ALX1: variants seen among roughly 807,000 people sequenced by gnomAD.
The protein encoded by ALX1 is ALX homeobox 1.
In ALX1, 19 loss-of-function variants were observed where a neutral mutation model predicts 31.7. The ratio of observed to expected loss-of-function variants is 0.60; its 90% CI spans 0.42 to 0.88. The LOEUF (loss-of-function observed/expected upper bound fraction) is 0.88, where lower values mean the gene tolerates loss of function less well. ALX1 is among the 40% of genes least tolerant of loss of function. The pLI is 0.00. For missense variants in ALX1, 415 were observed against 407.8 expected (o/e 1.02, Z -0.15); for synonymous variants, 153 against 148.8 (o/e 1.03, Z -0.20).
chr12:85,280,463 A>T lies in ALX1; in HGVS notation c.202A>T (p.Thr68Ser). Residue 68 changes from threonine to serine, a missense_variant, in exon 1 of 4, where the codon ACC becomes TCC. Transcript: ENST00000316824. ...CGAGCATCACGTGCGCTTGGAGAGG[A>T]CCTCGCCCTGTCAGGACAGCAGCGG... ...RAEHHVRLER[T>S]SPCQDSSVNY... 6.2e-7 allele frequency: 1 copy of T among 1,610,824 alleles called. No homozygotes were observed. The highest frequency in any genetic ancestry group is 8.5e-7 in the Non-Finnish European group (1 of 1,179,878).
At chr12:85,282,897 T>TAAAA (rs112890587) in intron 1 of ALX1, among the ~76,000 whole-genome samples, 1 of 146,194 alleles carries the variant, frequency 6.8e-6, no homozygotes, top group Non-Finnish European at 1.5e-5. Flanking sequence ...AGTTTTTAGG[T>TAAAA]AAAAAAAAAA....
intron 2 of ALX1, among the ~76,000 whole-genome samples, chr12:85,284,801 G>A (rs1896727299): frequency 6.6e-6 from 1 of 152,006 alleles, no homozygotes; most frequent in African/African-American, 2.4e-5. Flanking sequence ...TGTGTGTTCT[G>A]ACTCCTCTAC....
At chr12:85,297,141 A>G (rs1265537975) in intron 3 of ALX1, among the ~76,000 whole-genome samples, 5 of 151,742 alleles carry the variant, frequency 3.3e-5, no homozygotes, top group Non-Finnish European at 7.4e-5. Context: ...TGATAGCACT[A>G]TAGTCAACCC....
chr12:85,283,518 T>C (rs1896707128), intron 1 of ALX1, 54 bp from the exon 2 acceptor site: 2 of 1,571,436 alleles, frequency 1.3e-6, no homozygotes, highest in Non-Finnish European at 1.8e-6. Context: ...ATTGATTTAA[T>C]TGAGATGAGT....
chr12:85,280,352 G>C lies in ALX1; in HGVS notation c.91G>C (p.Val31Leu), dbSNP rs748403633. The C allele has an allele frequency of 1.1e-5, 18 of 1,613,936 alleles. No individual in the cohort carries two copies. The highest frequency in any genetic ancestry group is 1.5e-5 in the Non-Finnish European group (18 of 1,180,034). ...GGGCGCAGGAGGTCCTCTGGAGCAC[G>C]TTATGGAGACGCTGGACAATGAGTC... Reference protein sequence around the residue: ...YMGAGGPLEHVMETLDNESFY... With the variant: ...YMGAGGPLEHLMETLDNESFY... The change falls in exon 1 of 4, where the codon GTT (valine) becomes CTT (leucine). Residue 31 changes from valine to leucine, a missense_variant. Around this residue, in one of 3 missense-constraint regions of ALX1, gnomAD observed 235 missense variants for 208.9 expected, o/e 1.13. Transcript: ENST00000316824.
At position 85,280,337 on chromosome 12, in the gene ALX1, G is replaced by A; in HGVS notation, c.76G>A (p.Gly26Ser). The A allele has an allele frequency of 6.2e-7, 1 of 1,613,934 alleles. No individual in the cohort carries two copies. The highest frequency in any genetic ancestry group is 8.5e-7 in the Non-Finnish European group (1 of 1,180,030). The change falls in exon 1 of 4, where the codon GGT becomes AGT. Residue 26 changes from glycine to serine, a missense_variant. Around this residue, in one of 3 missense-constraint regions of ALX1, gnomAD observed 235 missense variants for 208.9 expected, o/e 1.13. Coordinates refer to ENST00000316824, the MANE Select transcript of ALX1 (RefSeq NM_006982.3). Reference protein sequence around the residue: ...KNSDFYMGAGGPLEHVMETLD... With the variant: ...KNSDFYMGAGSPLEHVMETLD... ...CAGTGACTTTTACATGGGCGCAGGA[G>A]GTCCTCTGGAGCACGTTATGGAGAC...
chr12:85,299,466 AT>A (rs1334501144), intron 3 of ALX1, among the ~76,000 whole-genome samples: 1 of 151,428 alleles, frequency 6.6e-6, no homozygotes, highest in African/African-American at 2.4e-5. Context: ...TATATATAAA[AT>A]ATATATGTTT....
Position 85,280,303 on chromosome 12 carries a change from G to A in ALX1, c.42G>A (p.Pro14=). The A allele has an allele frequency of 6.2e-7, 1 of 1,613,554 alleles. No homozygotes were observed. The highest frequency in any genetic ancestry group is 2.2e-5 in the East Asian group (1 of 44,844). ...LSEKFALKSP[P]SKNSDFYMGA... ...AGAAGTTTGCCCTCAAGAGCCCTCC[G>A]AGTAAAAACAGTGACTTTTACATGG... Residue 14 remains proline (P), a synonymous_variant, in exon 1 of 4, where the codon CCG becomes CCA. Transcript: ENST00000316824.
intron 2 of ALX1, 134 bp downstream of exon 2, chr12:85,284,010 G>T: frequency 1.0e-6 from 1 of 967,860 alleles, no homozygotes; most frequent in Non-Finnish European, 1.5e-6. Flanking sequence ...TAATATATAT[G>T]AATATATGTC....
rs755752951 is a variant in ALX1, at chr12:85,301,134, T to C, written c.661-21T>C. The C allele has an allele frequency of 2.5e-6, 4 of 1,612,454 alleles. No individual in the cohort carries two copies. In the South Asian group the frequency reaches 4.4e-5, roughly 18 times the overall value. On this transcript the variant is annotated intron_variant, in intron 3 of 3. Transcript: ENST00000316824. ...AAGTGAGAACATGTAAATGTAATAT[T>C]TGTTGTTTTATATATTCCAGATTCA...
chr12:85,285,230 T>C (rs1485164689), intron 2 of ALX1, among the ~76,000 whole-genome samples: 1 of 152,010 alleles, frequency 6.6e-6, no homozygotes, highest in Non-Finnish European at 1.5e-5. Context: ...CTTGATTAAT[T>C]TTTGTCTGAG....
rs1161371325 is a variant in ALX1, at chr12:85,294,213, A to T, written c.661-6942A>T. Among the ~76,000 whole-genome samples the T allele has an allele frequency of 4.6e-5, 7 of 151,288 alleles. No individual in the cohort carries two copies. The East Asian group carries it at 1.4e-3, about 29-fold the overall frequency. ...GCATAAAAGCTTAATTTACAAGCTT[A>T]CATTTTTATCTTTATTTCTTATATT... is the stretch of plus-strand genomic sequence containing the variant. On this transcript the variant is annotated intron_variant, in intron 3 of 3. Transcript: ENST00000316824.
intron 3 of ALX1, among the ~76,000 whole-genome samples, chr12:85,298,321 A>G (rs1284093028): frequency 6.6e-6 from 1 of 151,730 alleles, no homozygotes; most frequent in Non-Finnish European, 1.5e-5. Flanking sequence ...GAAACAATTA[A>G]AAGTGTTCAT....
chr12:85,282,388 A>G lies in ALX1; in HGVS notation c.227-1184A>G, dbSNP rs149025659. On this transcript the variant is annotated intron_variant, in intron 1 of 3. Coordinates refer to ENST00000316824, the MANE Select transcript of ALX1 (RefSeq NM_006982.3). ...ATTTGACATTTTTTATTATGAGAAC[A>G]TTTTTGAGAGTTACTCCGTTAGTGA... Among the ~76,000 whole-genome samples the G allele has an allele frequency of 7.8e-3, 1,189 of 152,230 alleles. 20 individuals are homozygous for G. The highest frequency in any genetic ancestry group is 0.027 in the African/African-American group (1,121 of 41,526).
chr12:85,298,657 A>T (rs1221922700), intron 3 of ALX1, among the ~76,000 whole-genome samples: 1 of 151,752 alleles, frequency 6.6e-6, no homozygotes, highest in Non-Finnish European at 1.5e-5. Context: ...GGATATCTCT[A>T]CCTATGGGAA....
chr12:85,283,569 C>G lies in ALX1; in HGVS notation c.227-3C>G. ...ACTGTTGTTTTTCCTCCTCTGGGTA[C>G]AGTGAACTATGGGATCACTAAAGTA... On this transcript the variant is annotated splice_region_variant and splice_polypyrimidine_tract_variant and intron_variant, in intron 1 of 3. Transcript: ENST00000316824. 1 of 1,613,908 alleles carries G rather than the reference C, an allele frequency of 6.2e-7. No individual in the cohort carries two copies. The highest frequency in any genetic ancestry group is 8.5e-7 in the Non-Finnish European group (1 of 1,179,858).
At position 85,280,401 on chromosome 12, in the gene ALX1, G is replaced by A; in HGVS notation, c.140G>A (p.Gly47Asp). ...NESFYSKASA[G>D]KCVQAFGPLP... ...TCCTTTTACAGCAAAGCGTCTGCAG[G>A]CAAATGCGTGCAGGCCTTCGGACCC... The change falls in exon 1 of 4, where the codon GGC (glycine) becomes GAC (aspartate). Residue 47 changes from glycine to aspartate, a missense_variant. Coordinates refer to ENST00000316824, the MANE Select transcript of ALX1 (RefSeq NM_006982.3). 2 of 1,613,594 alleles carry A rather than the reference G, an allele frequency of 1.2e-6. No homozygotes were observed. The highest frequency in any genetic ancestry group is 2.2e-5 in the South Asian group (2 of 91,066).
At chr12:85,286,785 C>A (rs1896754111) in intron 2 of ALX1, 68 bp from the exon 3 acceptor site, 1 of 1,376,332 alleles carries the variant, frequency 7.3e-7, no homozygotes, top group Non-Finnish European at 1.0e-6. Context: ...TGTTTGATGT[C>A]TTTTAACATC....
rs2137376868 is a variant in ALX1 at position 85,283,741 on chromosome 12, A to C, written c.396A>C (p.Lys132Asn). 6.2e-7 allele frequency: 1 copy of C among 1,614,114 alleles called. No homozygotes were observed. Among genetic ancestry groups the C allele is most frequent in the East Asian group, 2.2e-5 (1 of 44,870 alleles). ...ATAGCAATGTATCCAGCAGTAAGAA[A>C]CGGAGGCACCGAACCACCTTCACCA... ...KCDSNVSSSK[K>N]RRHRTTFTSL... is the part of the protein sequence containing the mutation. The change falls in exon 2 of 4, where the codon AAA (lysine) becomes AAC (asparagine). Residue 132 changes from lysine (K) to asparagine (N), a missense_variant. Physicochemically the swap from Lys to Asn is moderately conservative, Grantham distance 94. This residue lies in a region of ALX1 where 235 missense variants were observed against 208.9 expected (regional missense o/e 1.13). Coordinates refer to ENST00000316824, the MANE Select transcript of ALX1 (RefSeq NM_006982.3).
Sources: gnomAD v4.1 joint callset for allele counts (sites outside exome capture counted in the v4.1 genomes callset) on GRCh38, gnomAD v4.1.1 for gene constraint, gnomAD v4.1.1 regional missense constraint, MANE v1.5 for transcripts, NCBI Gene and HGNC (gene_info 2026-07-23, HGNC 2026-07-21) for gene names.